Variants in PTPRN2 observed in about 807,000 individuals in gnomAD.
PTPRN2 encodes the protein protein tyrosine phosphatase receptor type N2, also known as receptor-type tyrosine-protein phosphatase N2.
PTPRN2 carries 74 observed loss-of-function variants against 118.8 expected under a neutral mutation model. The observed-to-expected ratio is 0.62, with a 90% confidence interval of 0.52 to 0.76. The LOEUF is 0.76. Ranked by LOEUF, PTPRN2 falls within the 30% of genes least tolerant of loss-of-function variation. The pLI is 0.00. For missense variants in PTPRN2, 1,481 were observed against 1,394.4 expected (o/e 1.06, Z -0.99); for synonymous variants, 641 against 608.0 (o/e 1.05, Z -0.80).
At chr7:158,088,300 C>T (rs1813681066) in intron 10 of PTPRN2, among the ~76,000 whole-genome samples, 1 of 33,538 alleles carries the variant, frequency 3.0e-5, no homozygotes, top group African/African-American at 5.3e-5. Flanking sequence ...TCACACAAAC[C>T]TTCTTCCCCT....
chr7:157,672,759 G>T (rs998686090), intron 13 of PTPRN2, among the ~76,000 whole-genome samples: 1 of 152,180 alleles, frequency 6.6e-6, no homozygotes, highest in South Asian at 2.1e-4. Flanking sequence ...CTATTAAATG[G>T]CATAAGATCA....
At chr7:158,582,961 C>A (rs1436472446) in intron 1 of PTPRN2, among the ~76,000 whole-genome samples, 3 of 152,034 alleles carry the variant, frequency 2.0e-5, no homozygotes, top group Non-Finnish European at 4.4e-5. Context: ...TCTAAGGTAA[C>A]CCTCCAAGAG....
At chr7:158,409,831 C>G (rs946237469) in intron 2 of PTPRN2, among the ~76,000 whole-genome samples, 1 of 152,172 alleles carries the variant, frequency 6.6e-6, no homozygotes, top group African/African-American at 2.4e-5. Context: ...TAAGAATTGA[C>G]ATAAAGAGCT....
Position 158,015,017 on chromosome 7 carries a change from C to T in PTPRN2, c.1723+66281G>A, listed in dbSNP as rs73169758. On this transcript the variant is annotated intron_variant, in intron 11 of 22. Coordinates refer to ENST00000389418, the MANE Select transcript of PTPRN2 (RefSeq NM_002847.5). The surrounding 1 kb of genome is among the most constrained non-coding windows in gnomAD (Gnocchi z 4.2). ...AATAAGAACTTCTCCTGAATATCAT[C>T]TTTTCCCTTTTTGCTCTCTCATTTG... Among the ~76,000 whole-genome samples, 21,533 of 152,256 alleles carry T rather than the reference C, an allele frequency of 0.14. 1,563 individuals are homozygous for T. Among genetic ancestry groups the T allele is most frequent in the Admixed American group, 0.17 (2,554 of 15,300 alleles).
At chr7:157,554,996 A>G (rs1027842150) in intron 21 of PTPRN2, among the ~76,000 whole-genome samples, 3 of 150,960 alleles carry the variant, frequency 2.0e-5, no homozygotes, top group Non-Finnish European at 4.4e-5. Flanking sequence ...CGGGCGTCCC[A>G]GTGTGGTGAG....
At chr7:158,313,038 G>T (rs1013073696) in intron 3 of PTPRN2, among the ~76,000 whole-genome samples, 1 of 151,932 alleles carries the variant, frequency 6.6e-6, no homozygotes, top group Non-Finnish European at 1.5e-5. Flanking sequence ...CTACACATGA[G>T]CACGTGAATG....
chr7:158,236,525 GCA>G (rs1290049843), intron 3 of PTPRN2, among the ~76,000 whole-genome samples: 1 of 152,142 alleles, frequency 6.6e-6, no homozygotes, highest in Admixed American at 6.5e-5. Flanking sequence ...TGGGGTGGGG[GCA>G]CACAGTCTGA....
At chr7:158,328,253 G>C (rs890443603) in intron 2 of PTPRN2, among the ~76,000 whole-genome samples, 1 of 152,214 alleles carries the variant, frequency 6.6e-6, no homozygotes, top group Non-Finnish European at 1.5e-5. Flanking sequence ...GAGGCCCAAG[G>C]AAGCAGGCAC....
intron 11 of PTPRN2, among the ~76,000 whole-genome samples, chr7:157,901,965 G>A (rs912538682): frequency 4.6e-5 from 7 of 151,868 alleles, no homozygotes; most frequent in African/African-American, 4.8e-5. Flanking sequence ...GGGCCTTCCC[G>A]TCCGTGTTTC....
chr7:158,397,881 C>CT (rs1563243808), intron 2 of PTPRN2, among the ~76,000 whole-genome samples: 1 of 50,394 alleles, frequency 2.0e-5, no homozygotes, highest in African/African-American at 5.3e-5. Flanking sequence ...CACGGCCTGA[C>CT]AGTAACAATC....
In PTPRN2 at chr7:157,942,994, C is replaced by T. The variant is rs576226458; in HGVS notation, c.1724-44257G>A. 5.9e-5 allele frequency among the ~76,000 whole-genome samples: 9 copies of T among 152,268 alleles called. No homozygotes were observed. The South Asian group carries it at 1.5e-3, about 25-fold the overall frequency. On this transcript the variant is annotated intron_variant, in intron 11 of 22. Coordinates refer to ENST00000389418, the MANE Select transcript of PTPRN2 (RefSeq NM_002847.5). Reference sequence around the variant, plus strand: ...TCACTTGACGAGGATCTGCAAGAGCCGAGCTCTGTGATGGGCAGCAGGTGT... The same window carrying T: ...TCACTTGACGAGGATCTGCAAGAGCTGAGCTCTGTGATGGGCAGCAGGTGT...
chr7:158,284,159 G>A (rs865847253), intron 3 of PTPRN2, among the ~76,000 whole-genome samples: 43 of 152,294 alleles, frequency 2.8e-4, no homozygotes, highest in African/African-American at 4.6e-4. Context: ...AATGTGTGTC[G>A]TGCACAGGTG....
At chr7:158,274,765 G>A (rs1798850432) in intron 3 of PTPRN2, among the ~76,000 whole-genome samples, 2 of 152,144 alleles carry the variant, frequency 1.3e-5, no homozygotes, top group Admixed American at 6.5e-5. Context: ...GAATCACGCT[G>A]TGGCCACACA....
intron 11 of PTPRN2, among the ~76,000 whole-genome samples, chr7:158,045,023 C>G (rs1324682134): frequency 6.6e-6 from 1 of 152,162 alleles, no homozygotes; most frequent in African/African-American, 2.4e-5. Context: ...TTACAGAAAG[C>G]CTTTCTAAAT....
intron 2 of PTPRN2, among the ~76,000 whole-genome samples, chr7:158,451,256 A>T (rs929082653): frequency 6.6e-6 from 1 of 152,110 alleles, no homozygotes; most frequent in African/African-American, 2.4e-5. Context: ...GTTACATGTC[A>T]TTTACATGTG....
intron 12 of PTPRN2, among the ~76,000 whole-genome samples, chr7:157,871,764 T>TACAC (rs5888732): frequency 7.4e-5 from 11 of 149,576 alleles, no homozygotes; most frequent in African/African-American, 1.7e-4. Flanking sequence ...TATGCACACA[T>TACAC]ACACACACAC....
At chr7:157,830,152 G>A (rs1807466029) in intron 12 of PTPRN2, among the ~76,000 whole-genome samples, 1 of 150,680 alleles carries the variant, frequency 6.6e-6, no homozygotes, top group African/African-American at 2.4e-5. Flanking sequence ...GAAGAAAGGA[G>A]GGGCTGGCTT....
chr7:157,984,657 C>T (rs891716310), intron 11 of PTPRN2, among the ~76,000 whole-genome samples: 18 of 152,090 alleles, frequency 1.2e-4, no homozygotes, highest in Non-Finnish European at 2.1e-4. Flanking sequence ...TCTCTGACAC[C>T]GGGCTGTGCT....
chr7:158,454,251 C>T (rs1354470207), intron 2 of PTPRN2, among the ~76,000 whole-genome samples: 1 of 151,870 alleles, frequency 6.6e-6, no homozygotes, highest in Non-Finnish European at 1.5e-5. Context: ...ACAACGCACA[C>T]AATCACTGAT....
Sources: gnomAD v4.1 joint callset for allele counts (sites outside exome capture counted in the v4.1 genomes callset) on GRCh38, gnomAD v4.1.1 for gene constraint, Gnocchi (gnomAD v3.1) non-coding constraint, MANE v1.5 for transcripts, NCBI Gene and HGNC (gene_info 2026-07-23, HGNC 2026-07-21) for gene names.